Variants in CCDC93 observed in about 807,000 individuals in gnomAD.
The protein encoded by CCDC93 is CCC complex scaffolding subunit CCDC93.
Under a neutral mutation model 108.2 loss-of-function variants are expected in CCDC93, and 61 were observed. The ratio of observed to expected loss-of-function variants is 0.56; its 90% CI spans 0.46 to 0.70. CCDC93 has a LOEUF of 0.70. Among genes scored for constraint, CCDC93 ranks in the 30% least tolerant of loss-of-function variants. CCDC93 has a pLI of 0.00. For synonymous variants in CCDC93, 276 were observed against 260.4 expected (o/e 1.06, Z -0.58); for missense variants, 685 against 764.2 (o/e 0.90, Z 1.22).
chr2:117,984,924 A>G (rs986303409), intron 7 of CCDC93, among the ~76,000 whole-genome samples: 1 of 152,168 alleles, frequency 6.6e-6, no homozygotes, highest in Non-Finnish European at 1.5e-5. Flanking sequence ...TTGTCTTTAA[A>G]TTCTTAATAA....
chr2:117,926,128 G>A (rs1573458656), intron 23 of CCDC93, among the ~76,000 whole-genome samples: 3 of 152,132 alleles, frequency 2.0e-5, no homozygotes, highest in East Asian at 3.9e-4. Flanking sequence ...AGTGTGTAGA[G>A]GGAAATTTAT....
rs1183176280 is a variant in CCDC93, at chr2:117,920,290, A to T, written c.*53T>A. The T allele has an allele frequency of 4.1e-6, 5 of 1,216,102 alleles. No homozygotes were observed. In the African/African-American group the frequency reaches 5.9e-5, roughly 14 times the overall value. The allele number at this position is 1,216,102 out of a possible 1,614,324, so 75.3% of individuals were successfully genotyped here. Reference sequence around the variant, plus strand: ...GAACCATTTCATGATCTTGTAGGTGATATACGGTGCTTAAAAGTAAAATCA... The same window carrying T: ...GAACCATTTCATGATCTTGTAGGTGTTATACGGTGCTTAAAAGTAAAATCA... On this transcript the variant is annotated 3_prime_UTR_variant, in exon 24 of 24. Transcript: ENST00000376300.
chr2:117,974,388 A>G (rs2104781787), intron 10 of CCDC93, among the ~76,000 whole-genome samples: 1 of 152,218 alleles, frequency 6.6e-6, no homozygotes, highest in Non-Finnish European at 1.5e-5. Flanking sequence ...GAACTCTAAA[A>G]TATCTCTTTA....
intron 16 of CCDC93, 100 bp downstream of exon 16, chr2:117,946,711 A>C: frequency 1.3e-6 from 1 of 765,764 alleles, no homozygotes; most frequent in Non-Finnish European, 2.3e-6. Context: ...GTCTATTTAC[A>C]GGATAAGTTA....
At chr2:117,961,271 C>T (rs1306800783) in intron 11 of CCDC93, among the ~76,000 whole-genome samples, 1 of 152,132 alleles carries the variant, frequency 6.6e-6, no homozygotes, top group African/African-American at 2.4e-5. Flanking sequence ...CTATAGGTAC[C>T]TCTACCATAT....
chr2:117,948,095 C>G lies in CCDC93; in HGVS notation c.1224+10G>C, dbSNP rs750247116. 6.2e-7 allele frequency: 1 copy of G among 1,604,528 alleles called. No individual in the cohort carries two copies. Among genetic ancestry groups the G allele is most frequent in the Non-Finnish European group, 8.5e-7 (1 of 1,171,638 alleles). The stretch of plus-strand genomic sequence containing the variant: ...TCCTGGTTTATTTGCTGACACCAAA[C>G]AACACTTACTCGACAATGTGCTTTA... On this transcript the variant is annotated intron_variant, in intron 15 of 23. Coordinates refer to ENST00000376300, the MANE Select transcript of CCDC93 (RefSeq NM_019044.5).
chr2:117,956,679 CAGAAACCAA>C (rs1679227063), intron 12 of CCDC93, among the ~76,000 whole-genome samples: 2 of 152,162 alleles, frequency 1.3e-5, no homozygotes, highest in African/African-American at 4.8e-5. Context: ...AATAACTGAA[CAGAAACCAA>C]ATCATAGGCT....
chr2:117,966,311 T>C (rs1016549558), intron 11 of CCDC93, among the ~76,000 whole-genome samples: 1 of 152,182 alleles, frequency 6.6e-6, no homozygotes, highest in Non-Finnish European at 1.5e-5. Context: ...TATACACTGA[T>C]GGAGGAAGGG....
chr2:117,922,737 T>C (rs1373072333), intron 23 of CCDC93, among the ~76,000 whole-genome samples: 2 of 152,120 alleles, frequency 1.3e-5, no homozygotes, highest in African/African-American at 4.8e-5. Flanking sequence ...AGTGAGGGGA[T>C]GGTGAGAAGG....
intron 23 of CCDC93, chr2:117,930,713 T>C (rs1678297965): frequency 5.4e-6 from 1 of 186,240 alleles, no homozygotes; most frequent in Admixed American, 5.9e-5. Flanking sequence ...ATTCTATATC[T>C]GAATCCACAA....
chr2:117,921,317 T>C (rs1573453276), intron 23 of CCDC93, among the ~76,000 whole-genome samples: 1 of 152,088 alleles, frequency 6.6e-6, no homozygotes, highest in Non-Finnish European at 1.5e-5. Context: ...GTGGCACAAG[T>C]CACCTCTGCA....
At chr2:117,921,090 T>C (rs1380019486) in intron 23 of CCDC93, among the ~76,000 whole-genome samples, 1 of 146,232 alleles carries the variant, frequency 6.8e-6, no homozygotes, top group Admixed American at 7.1e-5. Flanking sequence ...GGCAGGACAA[T>C]GGCATGAACC....
At chr2:117,974,747 G>C (rs1168137154) in intron 10 of CCDC93, 103 bp downstream of exon 10, 1 of 800,688 alleles carries the variant, frequency 1.2e-6, no homozygotes, top group Admixed American at 2.1e-5. Flanking sequence ...ACTGTGTGCT[G>C]GTGAGAGGCA....
intron 23 of CCDC93, among the ~76,000 whole-genome samples, chr2:117,927,387 A>G (rs1025176344): frequency 6.6e-6 from 1 of 152,208 alleles, no homozygotes; most frequent in African/African-American, 2.4e-5. Context: ...TCTCAGCCCA[A>G]AATCTCCTTA....
At chr2:117,999,879 C>G (rs1680783884) in intron 4 of CCDC93, 1 of 151,576 alleles carries the variant, frequency 6.6e-6, no homozygotes, top group African/African-American at 2.4e-5. Flanking sequence ...TTGTGTTTCC[C>G]CCCACCCACC....
intron 17 of CCDC93, chr2:117,944,680 G>A (rs1678812827): frequency 2.1e-6 from 1 of 469,830 alleles, no homozygotes; most frequent in Non-Finnish European, 4.4e-6. Context: ...GGTCAAAGGA[G>A]TGCCTCCTTC....
intron 18 of CCDC93, among the ~76,000 whole-genome samples, chr2:117,942,248 A>G (rs1678724220): frequency 6.6e-6 from 1 of 152,174 alleles, no homozygotes; most frequent in Non-Finnish European, 1.5e-5. Flanking sequence ...CTGCATCTGT[A>G]ACTTTTCACT....
intron 1 of CCDC93, among the ~76,000 whole-genome samples, chr2:118,010,252 G>T (rs1676989533): frequency 6.6e-6 from 1 of 152,084 alleles, no homozygotes; most frequent in Non-Finnish European, 1.5e-5. Flanking sequence ...ATCGCGCCTG[G>T]CCGTATCTCA....
intron 7 of CCDC93, 85 bp from the exon 8 acceptor site, chr2:117,978,115 T>C (rs1680000901): frequency 1.7e-6 from 2 of 1,209,672 alleles, no homozygotes; most frequent in Non-Finnish European, 2.4e-6. Flanking sequence ...ACTTTTTACA[T>C]GAAAAACATC....
Sources: allele counts gnomAD v4.1 joint callset (sites outside exome capture counted in the v4.1 genomes callset), GRCh38; gene constraint gnomAD v4.1.1; transcripts MANE v1.5; gene names NCBI Gene and HGNC (gene_info 2026-07-23, HGNC 2026-07-21).